CDKAL1: variants seen among roughly 807,000 people sequenced by gnomAD.
CDKAL1 encodes the protein threonylcarbamoyladenosine tRNA methylthiotransferase.
Under a neutral mutation model 68.2 loss-of-function variants are expected in CDKAL1, and 32 were observed. The ratio of observed to expected loss-of-function variants is 0.47; its 90% CI spans 0.35 to 0.63. The LOEUF (loss-of-function observed/expected upper bound fraction) is 0.63, where lower values mean the gene tolerates loss of function less well. CDKAL1 is among the 30% of genes least tolerant of loss of function. CDKAL1 has a pLI of 0.00. For synonymous variants in CDKAL1, 234 were observed against 244.3 expected (o/e 0.96, Z 0.39); for missense variants, 606 against 696.7 (o/e 0.87, Z 1.47).
chr6:20,762,037 CTG>C (rs1774492210), intron 7 of CDKAL1, among the ~76,000 whole-genome samples: 1 of 152,082 alleles, frequency 6.6e-6, no homozygotes, highest in Non-Finnish European at 1.5e-5. Flanking sequence ...TATATAGAAA[CTG>C]TACTTCTGCT....
At chr6:21,033,995 G>A (rs1044866741) in intron 11 of CDKAL1, among the ~76,000 whole-genome samples, 1 of 152,172 alleles carries the variant, frequency 6.6e-6, no homozygotes, top group Non-Finnish European at 1.5e-5. Context: ...AGCAGCAGCA[G>A]CAGCTGTGTT....
chr6:21,001,511 TCAGA>T (rs1767427803), intron 11 of CDKAL1, among the ~76,000 whole-genome samples: 1 of 152,104 alleles, frequency 6.6e-6, no homozygotes, highest in Admixed American at 6.5e-5. Context: ...TAGTGTACAT[TCAGA>T]CAAATACAGC....
intron 9 of CDKAL1, among the ~76,000 whole-genome samples, chr6:20,862,084 A>C (rs1018175343): frequency 6.6e-6 from 1 of 152,198 alleles, no homozygotes; most frequent in South Asian, 2.1e-4. Context: ...TTTAACTCAT[A>C]AGATTAGTTA....
chr6:20,748,951 G>T (rs554808580), intron 6 of CDKAL1, among the ~76,000 whole-genome samples: 3 of 151,934 alleles, frequency 2.0e-5, no homozygotes, highest in Admixed American at 1.3e-4. Flanking sequence ...TTGCATGTAT[G>T]TGTATATATA....
At chr6:21,050,534 G>GA (rs937546383) in intron 11 of CDKAL1, among the ~76,000 whole-genome samples, 1 of 152,224 alleles carries the variant, frequency 6.6e-6, no homozygotes, top group African/African-American at 2.4e-5. Context: ...CCCAAAGGCA[G>GA]AAAGTTCCTT....
At chr6:20,855,523 G>T (rs1447640949) in intron 9 of CDKAL1, among the ~76,000 whole-genome samples, 1 of 150,986 alleles carries the variant, frequency 6.6e-6, no homozygotes, top group Non-Finnish European at 1.5e-5. Flanking sequence ...GGATTTATTG[G>T]GTGCTAAGAC....
chr6:20,977,947 GAATT>G (rs1765921892), intron 10 of CDKAL1, among the ~76,000 whole-genome samples: 1 of 152,062 alleles, frequency 6.6e-6, no homozygotes, highest in Non-Finnish European at 1.5e-5. Flanking sequence ...TCTAATTAAT[GAATT>G]AATCTAATTT....
chr6:20,625,733 G>A (rs1767399494), intron 4 of CDKAL1, among the ~76,000 whole-genome samples: 1 of 151,904 alleles, frequency 6.6e-6, no homozygotes, highest in Admixed American at 6.6e-5. Context: ...ATTGCTTTTG[G>A]GTAGAGCTCA....
intron 13 of CDKAL1, among the ~76,000 whole-genome samples, chr6:21,192,317 G>A (rs938010617): frequency 1.2e-4 from 18 of 152,000 alleles, no homozygotes; most frequent in African/African-American, 3.9e-4. Context: ...CACCGCGCCC[G>A]GCCATAATTC....
chr6:20,630,246 G>A (rs1321577332), intron 4 of CDKAL1, among the ~76,000 whole-genome samples: 1 of 152,042 alleles, frequency 6.6e-6, no homozygotes, highest in Non-Finnish European at 1.5e-5. Context: ...CTCTGGCATT[G>A]ATAGCCCATA....
chr6:20,940,774 C>T (rs1363640959), intron 9 of CDKAL1, among the ~76,000 whole-genome samples: 1 of 152,106 alleles, frequency 6.6e-6, no homozygotes, highest in African/African-American at 2.4e-5. Context: ...TAGTTGAAAT[C>T]AGATGTGTAC....
intron 11 of CDKAL1, among the ~76,000 whole-genome samples, chr6:21,021,216 G>C (rs954129327): frequency 6.6e-6 from 1 of 152,088 alleles, no homozygotes; most frequent in Non-Finnish European, 1.5e-5. Flanking sequence ...CTCTTACCTT[G>C]ATTTGCTTTT....
chr6:20,670,839 A>G (rs1212476536), intron 5 of CDKAL1, among the ~76,000 whole-genome samples: 1 of 152,192 alleles, frequency 6.6e-6, no homozygotes, highest in African/African-American at 2.4e-5. Flanking sequence ...GGAACTCTGC[A>G]TCAGTTGATA....
chr6:20,666,608 G>A (rs1208549457), intron 5 of CDKAL1, among the ~76,000 whole-genome samples: 1 of 151,522 alleles, frequency 6.6e-6, no homozygotes, highest in East Asian at 1.9e-4. Flanking sequence ...TACAGCAGCT[G>A]ATCCTGGAAT....
At chr6:21,136,529 AG>A (rs1299942362) in intron 13 of CDKAL1, among the ~76,000 whole-genome samples, 1 of 152,244 alleles carries the variant, frequency 6.6e-6, no homozygotes, top group Non-Finnish European at 1.5e-5. Context: ...GTTTAACTGA[AG>A]GTCATTTGAA....
intron 13 of CDKAL1, among the ~76,000 whole-genome samples, chr6:21,190,742 C>A (rs1398829014): frequency 1.3e-5 from 2 of 152,192 alleles, no homozygotes; most frequent in African/African-American, 4.8e-5. Context: ...TAAAGGGAAA[C>A]AAAATAGTTT....
rs867270097 is a variant in CDKAL1, at chr6:21,141,157, C to T, written c.1299+32694C>T. ...ACAAGCCTTATATTTCACCACTCCC[C>T]CCTTGCACGCTATATTTAATCCTTA... On this transcript the variant is annotated intron_variant, in intron 13 of 15. Coordinates refer to ENST00000274695, the MANE Select transcript of CDKAL1 (RefSeq NM_017774.3). Among the ~76,000 whole-genome samples the T allele has an allele frequency of 2.6e-5, 4 of 152,302 alleles. 1 individual carries two copies. In the Middle Eastern group the frequency reaches 0.014, roughly 518 times the overall value.
At chr6:20,731,545 T>A (rs1772926135) in intron 5 of CDKAL1, among the ~76,000 whole-genome samples, 1 of 152,202 alleles carries the variant, frequency 6.6e-6, no homozygotes, top group Non-Finnish European at 1.5e-5. Context: ...CACAAATGAC[T>A]TGATGCTGAA....
intron 5 of CDKAL1, among the ~76,000 whole-genome samples, chr6:20,671,236 TC>T (rs1002694745): frequency 6.6e-6 from 1 of 152,220 alleles, no homozygotes; most frequent in Non-Finnish European, 1.5e-5. Flanking sequence ...AAATGGTATT[TC>T]AGGGTTTTCA....
Sources: allele counts gnomAD v4.1 joint callset (sites outside exome capture counted in the v4.1 genomes callset), GRCh38; gene constraint gnomAD v4.1.1; transcripts MANE v1.5; gene names NCBI Gene and HGNC (gene_info 2026-07-23, HGNC 2026-07-21).